Variants in ENTPD1 observed in about 807,000 individuals in gnomAD.
ENTPD1 encodes ectonucleoside triphosphate diphosphohydrolase 1, also known as ATP diphosphohydrolase.
In ENTPD1, 33 loss-of-function variants were observed where a neutral mutation model predicts 57.0. That is an observed-to-expected ratio of 0.58 (90% CI 0.44 to 0.77). The LOEUF (loss-of-function observed/expected upper bound fraction) is 0.77, where lower values mean the gene tolerates loss of function less well. ENTPD1 is among the 30% of genes least tolerant of loss of function. The pLI is 0.00. For synonymous variants in ENTPD1, 202 were observed against 218.8 expected, an observed-to-expected ratio of 0.92 and a Z score of 0.68; for missense variants, 501 against 603.4, an observed-to-expected ratio of 0.83 and a Z score of 1.78.
At chr10:95,853,699 T>C (rs1488267815) in intron 7 of ENTPD1, among the ~76,000 whole-genome samples, 4 of 152,186 alleles carry the variant, frequency 2.6e-5, no homozygotes, top group Non-Finnish European at 1.5e-5. Flanking sequence ...TCATGTGGCT[T>C]TTGTCTTTGG....
intron 1 of ENTPD1, among the ~76,000 whole-genome samples, chr10:95,773,928 G>T (rs1333112429): frequency 6.6e-6 from 1 of 152,144 alleles, no homozygotes; most frequent in African/African-American, 2.4e-5. Context: ...CACAATGGTT[G>T]AACTAGTTTA....
chr10:95,712,043 T>C (rs372555895), intron 1 of ENTPD1: 103 of 1,612,526 alleles, frequency 6.4e-5, no homozygotes, highest in Non-Finnish European at 8.6e-5. Context: ...CTCTGTGGAA[T>C]CTGGTAGAGC....
upstream of ENTPD1, among the ~76,000 whole-genome samples, chr10:95,752,420 C>T (rs542657956): frequency 2.1e-4 from 32 of 152,146 alleles, no homozygotes; most frequent in African/African-American, 6.7e-4. Context: ...TTTGGGAGGC[C>T]GAGGTGGGCA....
chr10:95,713,465 C>A (rs2097968135), intron 1 of ENTPD1, among the ~76,000 whole-genome samples: 2 of 152,154 alleles, frequency 1.3e-5, no homozygotes, highest in African/African-American at 4.8e-5. Flanking sequence ...AAATCTAACC[C>A]AAAACAAAAT....
intron 2 of ENTPD1, among the ~76,000 whole-genome samples, chr10:95,837,436 A>G (rs2098412676): frequency 6.6e-6 from 1 of 152,216 alleles, no homozygotes; most frequent in African/African-American, 2.4e-5. Flanking sequence ...CTCTGCCCAC[A>G]ATGGCCACCA....
chr10:95,839,513 A>G, intron 2 of ENTPD1, 178 bp from the exon 3 acceptor site: 2 of 706,062 alleles, frequency 2.8e-6, no homozygotes, highest in Non-Finnish European at 5.1e-6. Flanking sequence ...GCCCCGTTCT[A>G]GCAGGGTTGT....
chr10:95,750,171 A>G (rs537093847), intron 1 of ENTPD1, among the ~76,000 whole-genome samples: 84 of 152,306 alleles, frequency 5.5e-4, no homozygotes, highest in African/African-American at 1.9e-3. Flanking sequence ...TGATAACACG[A>G]GTGGCATCTC....
intron 1 of ENTPD1, among the ~76,000 whole-genome samples, chr10:95,759,256 T>C (rs2098045151): frequency 6.6e-6 from 1 of 152,216 alleles, no homozygotes; most frequent in Admixed American, 6.5e-5. Flanking sequence ...CGTCCCTCTA[T>C]GTGGATACAC....
intron 1 of ENTPD1, among the ~76,000 whole-genome samples, chr10:95,770,766 G>A (rs1483974735): frequency 6.6e-6 from 1 of 152,156 alleles, no homozygotes; most frequent in African/African-American, 2.4e-5. Flanking sequence ...CTGGGGAGGA[G>A]TAGAAGATCA....
intron 1 of ENTPD1, among the ~76,000 whole-genome samples, chr10:95,787,758 G>A (rs924798217): frequency 3.9e-5 from 6 of 152,044 alleles, no homozygotes; most frequent in Non-Finnish European, 7.4e-5. Context: ...TATATTATTT[G>A]CATTTTTCTT....
chr10:95,761,344 A>G (rs749596417), intron 1 of ENTPD1, among the ~76,000 whole-genome samples: 1 of 152,194 alleles, frequency 6.6e-6, no homozygotes, highest in Non-Finnish European at 1.5e-5. Flanking sequence ...CTTGTTAAAA[A>G]TGCAGATTCT....
intron 7 of ENTPD1, among the ~76,000 whole-genome samples, chr10:95,849,263 A>G (rs1298993909): frequency 6.6e-6 from 1 of 152,240 alleles, no homozygotes; most frequent in East Asian, 1.9e-4. Context: ...TATTATAATC[A>G]TAGTTTAGTA....
chr10:95,784,875 T>C (rs1314070184), intron 1 of ENTPD1, among the ~76,000 whole-genome samples: 4 of 152,114 alleles, frequency 2.6e-5, no homozygotes, highest in African/African-American at 9.7e-5. Flanking sequence ...AGGAGTGGCG[T>C]TGCAGGGAGT....
chr10:95,861,150 C>T (rs1196815878), intron 8 of ENTPD1, among the ~76,000 whole-genome samples: 1 of 152,218 alleles, frequency 6.6e-6, no homozygotes, highest in Non-Finnish European at 1.5e-5. Context: ...GGCCCACTCT[C>T]CTCCTTCAGT....
At chr10:95,864,314 G>A (rs2098470303) in intron 8 of ENTPD1, among the ~76,000 whole-genome samples, 1 of 152,210 alleles carries the variant, frequency 6.6e-6, no homozygotes, top group African/African-American at 2.4e-5. Flanking sequence ...GATGCTGCCA[G>A]TCCAGGGACT....
intron 2 of ENTPD1, among the ~76,000 whole-genome samples, chr10:95,825,435 T>A (rs902374715): frequency 1.3e-5 from 2 of 152,284 alleles, no homozygotes; most frequent in Non-Finnish European, 2.9e-5. Flanking sequence ...TATCATGGGC[T>A]ACTAAACTGG....
Position 95,869,451 on chromosome 10 carries a change from T to C in ENTPD1, c.*3068T>C, listed in dbSNP as rs887070050. On this transcript the variant is annotated 3_prime_UTR_variant, in exon 10 of 10. Coordinates refer to ENST00000371205, the MANE Select transcript of ENTPD1 (RefSeq NM_001776.6). ...TTTTAGTAAAGACAGGGTTTCACCATGTTGGCCAGGCTGGTCTCCAACTCC... is the reference window on the plus strand; with the variant it reads ...TTTTAGTAAAGACAGGGTTTCACCACGTTGGCCAGGCTGGTCTCCAACTCC... The C allele has an allele frequency of 1.6e-5, 12 of 760,082 alleles. No individual in the cohort carries two copies. The highest frequency in any genetic ancestry group is 1.9e-5 in the Non-Finnish European group (12 of 624,600). 47.1% of individuals were successfully genotyped at this position (760,082 alleles called of 1,614,324 possible). A position where few individuals can be genotyped will look rare whatever the true frequency, so the allele number is the denominator to read the frequency against.
intron 1 of ENTPD1, among the ~76,000 whole-genome samples, chr10:95,789,933 T>C (rs1462760457): frequency 2.0e-5 from 3 of 152,344 alleles, no homozygotes; most frequent in African/African-American, 7.2e-5. Flanking sequence ...CATATTGCAG[T>C]AAAAAGTGAT....
At chr10:95,792,772 A>G (rs933790247) in intron 1 of ENTPD1, among the ~76,000 whole-genome samples, 1 of 152,166 alleles carries the variant, frequency 6.6e-6, no homozygotes, top group East Asian at 1.9e-4. Context: ...GTGGCCTCCT[A>G]TAATTTTTGT....
Sources: allele counts gnomAD v4.1 joint callset (sites outside exome capture counted in the v4.1 genomes callset), GRCh38; gene constraint gnomAD v4.1.1; transcripts MANE v1.5; gene names NCBI Gene and HGNC (gene_info 2026-07-23, HGNC 2026-07-21).